The following NKAIN2 variants were observed in gnomAD, a reference collection of about 807,000 sequenced individuals.
The protein encoded by NKAIN2 is sodium/potassium-transporting ATPase subunit beta-1-interacting protein 2.
NKAIN2 carries 14 observed loss-of-function variants against 32.6 expected under a neutral mutation model. The ratio of observed to expected loss-of-function variants is 0.43; its 90% confidence interval spans 0.28 to 0.67. The LOEUF (loss-of-function observed/expected upper bound fraction) is 0.67, where lower values mean the gene tolerates loss of function less well. NKAIN2 is among the 30% of genes least tolerant of loss of function. The pLI, the probability that NKAIN2 is intolerant of heterozygous loss-of-function variation, is 0.17. For synonymous variants in NKAIN2, 80 were observed against 87.2 expected (o/e 0.92, Z 0.46); for missense variants, 198 against 258.3 (o/e 0.77, Z 1.60).
chr6:124,215,236 C>CT (rs1285823395), intron 1 of NKAIN2, among the ~76,000 whole-genome samples: 1 of 152,006 alleles, frequency 6.6e-6, no homozygotes, highest in Non-Finnish European at 1.5e-5. Context: ...AAATAAATCT[C>CT]TCAGGAAATG....
At chr6:124,533,246 A>G (rs1779591057) in intron 3 of NKAIN2, among the ~76,000 whole-genome samples, 1 of 151,856 alleles carries the variant, frequency 6.6e-6, no homozygotes. Context: ...GGTAATTTAA[A>G]AATTCCTGCT....
intron 5 of NKAIN2, among the ~76,000 whole-genome samples, chr6:124,800,233 C>G (rs1316445686): frequency 2.6e-5 from 4 of 152,060 alleles, no homozygotes; most frequent in Non-Finnish European, 1.5e-5. Flanking sequence ...CTCATAGAAA[C>G]AGAAGGCTGT....
chr6:124,729,102 T>A (rs1479311851), intron 4 of NKAIN2, among the ~76,000 whole-genome samples: 1 of 151,928 alleles, frequency 6.6e-6, no homozygotes, highest in Non-Finnish European at 1.5e-5. Context: ...GGACCAGATG[T>A]ATTCACAGCT....
At chr6:124,527,606 G>C (rs1779367957) in intron 3 of NKAIN2, among the ~76,000 whole-genome samples, 1 of 152,098 alleles carries the variant, frequency 6.6e-6, no homozygotes, top group African/African-American at 2.4e-5. Context: ...TTTGCTAATG[G>C]TTGAGCACCT....
rs79298017 is a variant in NKAIN2, at chr6:124,525,703, G to T, written c.274-132483G>T. ...AATGAATATAATTCAGAATTGTATT[G>T]TTGTTTTGTTTTATACTATTAAATT... On this transcript the variant is annotated intron_variant, in intron 3 of 6. Transcript: ENST00000368417. Among the ~76,000 whole-genome samples, 55 of 107,316 alleles carry T rather than the reference G, an allele frequency of 5.1e-4. No individual in the cohort carries two copies. In the East Asian group the frequency reaches 0.013, roughly 25 times the overall value. 70.4% of individuals were successfully genotyped at this position (107,316 alleles called of 152,430 possible). A position where few individuals can be genotyped will look rare whatever the true frequency, so the allele number is the denominator to read the frequency against.
intron 3 of NKAIN2, among the ~76,000 whole-genome samples, chr6:124,545,545 A>G (rs1780065239): frequency 6.6e-6 from 1 of 152,060 alleles, no homozygotes; most frequent in Non-Finnish European, 1.5e-5. Context: ...AGTGTTTATT[A>G]TTTGACCAAC....
chr6:124,567,559 A>G (rs1429189770), intron 3 of NKAIN2, among the ~76,000 whole-genome samples: 2 of 152,178 alleles, frequency 1.3e-5, no homozygotes, highest in African/African-American at 2.4e-5. Flanking sequence ...TTTTGCCACA[A>G]TAATGCTGCA....
chr6:124,379,325 G>A (rs1418158561), intron 3 of NKAIN2, among the ~76,000 whole-genome samples: 3 of 143,906 alleles, frequency 2.1e-5, no homozygotes, highest in Non-Finnish European at 3.0e-5. Flanking sequence ...AGAGAAAGAA[G>A]GGAGGAGAGA....
intron 1 of NKAIN2, among the ~76,000 whole-genome samples, chr6:123,854,221 A>G (rs990904691): frequency 3.3e-5 from 5 of 152,218 alleles, no homozygotes; most frequent in Admixed American, 1.3e-4. Context: ...TGCCTTTTTC[A>G]TGCTGTACAA....
chr6:123,843,076 C>A (rs1774942151), intron 1 of NKAIN2, among the ~76,000 whole-genome samples: 1 of 152,114 alleles, frequency 6.6e-6, no homozygotes, highest in Non-Finnish European at 1.5e-5. Flanking sequence ...TAGGGTTGTC[C>A]ATGACCTCTG....
chr6:124,364,047 C>G (rs573415980), intron 3 of NKAIN2, among the ~76,000 whole-genome samples: 14 of 151,320 alleles, frequency 9.3e-5, no homozygotes, highest in Non-Finnish European at 1.6e-4. Flanking sequence ...ATAATTTAGC[C>G]CCAGAGAACT....
chr6:124,500,309 G>A (rs1463213853), intron 3 of NKAIN2, among the ~76,000 whole-genome samples: 1 of 152,018 alleles, frequency 6.6e-6, no homozygotes, highest in Non-Finnish European at 1.5e-5. Flanking sequence ...AAGAACAGCA[G>A]GGTATACAAA....
At chr6:124,131,612 C>A (rs2114265497) in intron 1 of NKAIN2, among the ~76,000 whole-genome samples, 2 of 152,270 alleles carry the variant, frequency 1.3e-5, no homozygotes, top group East Asian at 3.9e-4. Context: ...ACTGGGGAAT[C>A]TGAAAATCCA....
chr6:124,450,252 C>G (rs1276981491), intron 3 of NKAIN2, among the ~76,000 whole-genome samples: 2 of 152,002 alleles, frequency 1.3e-5, no homozygotes, highest in Non-Finnish European at 2.9e-5. Context: ...CAAATATTAA[C>G]AGAATAAATT....
intron 1 of NKAIN2, among the ~76,000 whole-genome samples, chr6:124,183,424 A>G (rs992670899): frequency 1.3e-5 from 2 of 152,052 alleles, no homozygotes; most frequent in African/African-American, 4.8e-5. Context: ...TGAGTAAATT[A>G]TTAGATAGAG....
intron 1 of NKAIN2, among the ~76,000 whole-genome samples, chr6:124,201,847 T>C (rs1264202647): frequency 1.3e-5 from 2 of 152,080 alleles, no homozygotes; most frequent in Non-Finnish European, 2.9e-5. Context: ...TGTATTGTTT[T>C]ATCCTTCATC....
chr6:124,678,405 C>A (rs1411061753), intron 4 of NKAIN2, among the ~76,000 whole-genome samples: 1 of 151,960 alleles, frequency 6.6e-6, no homozygotes, highest in Non-Finnish European at 1.5e-5. Context: ...TTTCTTCATT[C>A]TTTTTTTATT....
intron 4 of NKAIN2, among the ~76,000 whole-genome samples, chr6:124,694,207 AT>A (rs35835895): frequency 0.38 from 57,112 of 151,970 alleles, 10,913 homozygotes; most frequent in African/African-American, 0.41. Flanking sequence ...AAATAATGGA[AT>A]GTTCTTCACC....
At chr6:123,974,617 C>T (rs893260459) in intron 1 of NKAIN2, among the ~76,000 whole-genome samples, 3 of 152,018 alleles carry the variant, frequency 2.0e-5, no homozygotes, top group East Asian at 1.9e-4. Flanking sequence ...TCTGCTTGTG[C>T]GGGCAAAAGG....
Sources: gnomAD v4.1 joint callset for allele counts (sites outside exome capture counted in the v4.1 genomes callset) on GRCh38, gnomAD v4.1.1 for gene constraint, MANE v1.5 for transcripts, NCBI Gene and HGNC (gene_info 2026-07-23, HGNC 2026-07-21) for gene names.